NEDD9: variants seen among roughly 807,000 people sequenced by gnomAD.
NEDD9 encodes enhancer of filamentation 1.
Under a neutral mutation model 76.6 loss-of-function variants are expected in NEDD9, and 26 were observed. That is an observed-to-expected ratio of 0.34 (90% confidence interval 0.25 to 0.47). The LOEUF is 0.47. NEDD9 is among the 20% of genes least tolerant of loss of function. The pLI, the probability that NEDD9 is intolerant of heterozygous loss-of-function variation, is 1.00. For synonymous variants in NEDD9, 392 were observed against 414.2 expected, an observed-to-expected ratio of 0.95 and a Z score of 0.65; for missense variants, 937 against 1,058.5, an observed-to-expected ratio of 0.89 and a Z score of 1.59.
intron 3 of NEDD9, among the ~76,000 whole-genome samples, chr6:11,299,790 C>A (rs1760994191): frequency 6.6e-6 from 1 of 152,208 alleles, no homozygotes; most frequent in Non-Finnish European, 1.5e-5. Flanking sequence ...GGAAAACTAA[C>A]AAACGGAAAG....
intron 3 of NEDD9, among the ~76,000 whole-genome samples, chr6:11,287,007 A>T (rs537795438): frequency 6.6e-6 from 1 of 152,340 alleles, no homozygotes; most frequent in South Asian, 2.1e-4. Flanking sequence ...GGAACTTTTC[A>T]TGGTTATCTG....
intron 1 of NEDD9, among the ~76,000 whole-genome samples, chr6:11,365,706 G>A (rs1351570529): frequency 2.0e-4 from 31 of 152,170 alleles, no homozygotes; most frequent in Admixed American, 2.0e-3. Flanking sequence ...AAAATAAAAT[G>A]GGGCCGGGCG....
intron 3 of NEDD9, among the ~76,000 whole-genome samples, chr6:11,248,166 A>G (rs116672827): frequency 0.023 from 3,456 of 152,254 alleles, 71 homozygotes; most frequent in East Asian, 0.12. Context: ...AACATTTAAA[A>G]AGATGACATA....
chr6:11,232,741 G>T, upstream of NEDD9: 1 of 1,420,258 alleles, frequency 7.0e-7, no homozygotes, highest in Non-Finnish European at 9.2e-7. Flanking sequence ...TGGCTAGTGG[G>T]ACAAGGTAAT....
intron 3 of NEDD9, among the ~76,000 whole-genome samples, chr6:11,275,504 A>G (rs1760395701): frequency 6.6e-6 from 1 of 152,186 alleles, no homozygotes; most frequent in African/African-American, 2.4e-5. Flanking sequence ...TGTACATCAT[A>G]AAATATACGC....
chr6:11,273,682 G>C (rs1393223875), intron 3 of NEDD9, among the ~76,000 whole-genome samples: 2 of 152,128 alleles, frequency 1.3e-5, no homozygotes, highest in Non-Finnish European at 2.9e-5. Context: ...GAATTACCCT[G>C]GGCATTGTTC....
intron 3 of NEDD9, among the ~76,000 whole-genome samples, chr6:11,280,801 T>C (rs900265848): frequency 1.3e-5 from 2 of 152,256 alleles, no homozygotes; most frequent in African/African-American, 4.8e-5. Context: ...GGCCACTGCA[T>C]TGCCCTTGGT....
chr6:11,336,750 T>C (rs929192665), intron 1 of NEDD9, among the ~76,000 whole-genome samples: 3 of 152,234 alleles, frequency 2.0e-5, no homozygotes, highest in African/African-American at 7.2e-5. Flanking sequence ...CTTTATAAAC[T>C]TAAGAAAAAT....
At chr6:11,266,834 G>A (rs576517726) in intron 3 of NEDD9, among the ~76,000 whole-genome samples, 6 of 152,324 alleles carry the variant, frequency 3.9e-5, no homozygotes, top group African/African-American at 1.4e-4. Flanking sequence ...TGGAAAACCA[G>A]CCAATGGTCC....
At chr6:11,203,203 A>G (rs1259895905) in intron 2 of NEDD9, among the ~76,000 whole-genome samples, 1 of 152,242 alleles carries the variant, frequency 6.6e-6, no homozygotes, top group Non-Finnish European at 1.5e-5. Flanking sequence ...AATGCCAAAT[A>G]CAAGCCTGTG....
chr6:11,268,764 C>T (rs1414841582), intron 3 of NEDD9, among the ~76,000 whole-genome samples: 4 of 151,964 alleles, frequency 2.6e-5, no homozygotes, highest in African/African-American at 4.8e-5. Context: ...CACACACACA[C>T]ACACACAACC....
At chr6:11,290,117 T>C (rs1760734300) in intron 3 of NEDD9, among the ~76,000 whole-genome samples, 2 of 152,230 alleles carry the variant, frequency 1.3e-5, no homozygotes, top group African/African-American at 4.8e-5. Context: ...GCCTTACGAT[T>C]CCGTTAAGGA....
rs55738037 is a variant in NEDD9 at position 11,345,548 on chromosome 6, G to T, written c.-213-10987C>A. 1.8e-3 allele frequency among the ~76,000 whole-genome samples: 272 copies of T among 152,208 alleles called. 11 individuals carry two copies. The East Asian group carries it at 0.05, about 28-fold the overall frequency. ...AACTATATGTGGAGCCAGGATCTCC[G>T]CACATCCCTATGCTGTGATAGCTAC... is the stretch of plus-strand genomic sequence containing the variant. On this transcript the variant is annotated intron_variant, in intron 1 of 3. Transcript: ENST00000397378.
intron 3 of NEDD9, among the ~76,000 whole-genome samples, chr6:11,303,054 T>C (rs1159262406): frequency 1.3e-5 from 2 of 152,166 alleles, no homozygotes; most frequent in African/African-American, 2.4e-5. Flanking sequence ...GGTATTCAAT[T>C]AGGAAAGGAG....
chr6:11,382,305 C>T (rs1466985137), upstream of NEDD9: 1 of 152,284 alleles, frequency 6.6e-6, no homozygotes, highest in East Asian at 1.9e-4. Context: ...CATTTCCCTA[C>T]TGAGCAACCA....
At chr6:11,286,555 T>A (rs962696952) in intron 3 of NEDD9, among the ~76,000 whole-genome samples, 8 of 152,154 alleles carry the variant, frequency 5.3e-5, no homozygotes, top group African/African-American at 1.9e-4. Context: ...TGCCCCCAAC[T>A]GGGAACAAAC....
At chr6:11,371,078 C>T (rs926666999) in intron 1 of NEDD9, among the ~76,000 whole-genome samples, 1 of 152,126 alleles carries the variant, frequency 6.6e-6, no homozygotes, top group Non-Finnish European at 1.5e-5. Context: ...TCTGGGGGAA[C>T]ATCAAAGAGG....
chr6:11,272,836 T>C (rs1561812619), intron 3 of NEDD9, among the ~76,000 whole-genome samples: 1 of 152,242 alleles, frequency 6.6e-6, no homozygotes, highest in Admixed American at 6.5e-5. Context: ...CATTCTCCAG[T>C]GTGCAAACGG....
intron 3 of NEDD9, among the ~76,000 whole-genome samples, chr6:11,244,845 T>C (rs1005769441): frequency 1.3e-5 from 2 of 152,214 alleles, no homozygotes; most frequent in African/African-American, 4.8e-5. Flanking sequence ...GAGAGAACCC[T>C]AATCCTGTTG....
Sources: allele counts gnomAD v4.1 joint callset (sites outside exome capture counted in the v4.1 genomes callset), GRCh38; gene constraint gnomAD v4.1.1; transcripts MANE v1.5; gene names NCBI Gene and HGNC (gene_info 2026-07-23, HGNC 2026-07-21).